CATSPER3: variants seen among roughly 807,000 people sequenced by gnomAD.
CATSPER3 encodes cation channel sperm-associated protein 3.
A neutral mutation model predicts 36.6 loss-of-function variants in CATSPER3; 23 were observed. That is an observed-to-expected ratio of 0.63 (90% CI 0.45 to 0.89). The LOEUF (loss-of-function observed/expected upper bound fraction) is 0.89, where lower values mean the gene tolerates loss of function less well. Ranked by LOEUF, CATSPER3 falls within the 40% of genes least tolerant of loss-of-function variation. CATSPER3 has a pLI of 0.00. For synonymous variants in CATSPER3, 172 were observed against 184.1 expected (o/e 0.93, Z 0.53); for missense variants, 474 against 503.9 (o/e 0.94, Z 0.57).
At chr5:135,005,917 G>C (rs1216464695) in intron 3 of CATSPER3, among the ~76,000 whole-genome samples, 1 of 152,182 alleles carries the variant, frequency 6.6e-6, no homozygotes, top group African/African-American at 2.4e-5. Flanking sequence ...CAAGCACTGG[G>C]CCTGGGCACC....
At chr5:135,008,234 CT>C (rs1752116624) in intron 4 of CATSPER3, 95 bp downstream of exon 4, 5 of 1,022,930 alleles carry the variant, frequency 4.9e-6, no homozygotes, top group Non-Finnish European at 7.6e-6. Context: ...TCACATGGGG[CT>C]TTCCTCATGT....
intron 1 of CATSPER3, chr5:134,969,647 G>C: frequency 2.3e-6 from 1 of 427,736 alleles, no homozygotes; most frequent in Non-Finnish European, 4.3e-6. Flanking sequence ...ATAAAGATTT[G>C]TTGAGTCAAT....
At chr5:134,968,114 C>G (rs1222911745) in intron 1 of CATSPER3, 25 bp downstream of exon 1, 1 of 1,502,436 alleles carries the variant, frequency 6.7e-7, no homozygotes, top group Admixed American at 1.7e-5. Flanking sequence ...TCTCCATTGC[C>G]TGTTAAGAAA....
intron 2 of CATSPER3, among the ~76,000 whole-genome samples, chr5:134,973,067 C>A (rs945738068): frequency 2.0e-5 from 3 of 152,070 alleles, no homozygotes; most frequent in African/African-American, 7.2e-5. Context: ...AGGACATAGA[C>A]AAATTCATCA....
intron 2 of CATSPER3, among the ~76,000 whole-genome samples, chr5:134,987,148 A>T (rs911727747): frequency 6.6e-6 from 1 of 152,216 alleles, no homozygotes; most frequent in African/African-American, 2.4e-5. Flanking sequence ...GACTCAAATT[A>T]CTAATGTCAG....
intron 2 of CATSPER3, among the ~76,000 whole-genome samples, chr5:134,989,904 G>T (rs1373809039): frequency 6.6e-6 from 1 of 152,118 alleles, no homozygotes; most frequent in African/African-American, 2.4e-5. Flanking sequence ...TGAGAGACTT[G>T]CAACCCTTCA....
chr5:134,970,900 TCTC>T (rs1268406643), intron 2 of CATSPER3, among the ~76,000 whole-genome samples: 1 of 151,980 alleles, frequency 6.6e-6, no homozygotes, highest in Non-Finnish European at 1.5e-5. Flanking sequence ...TCTCCTTGAA[TCTC>T]CTCTCAAAAA....
chr5:134,982,233 A>T (rs567156422), intron 2 of CATSPER3, among the ~76,000 whole-genome samples: 1 of 152,336 alleles, frequency 6.6e-6, no homozygotes, highest in South Asian at 2.1e-4. Flanking sequence ...ACTAATATAC[A>T]CATAATAGGG....
chr5:135,008,230 GGGGCTT>G, intron 4 of CATSPER3, 91 bp downstream of exon 4: 2 of 1,077,332 alleles, frequency 1.9e-6, no homozygotes, highest in Non-Finnish European at 1.4e-6. Context: ...GGCCTCACAT[GGGGCTT>G]TCCTCATGTC....
rs199772083 is a variant in CATSPER3 at position 135,008,880 on chromosome 5, C to T, written c.715C>T (p.Arg239Trp). The change falls in exon 5 of 8, where the codon CGG (arginine) becomes TGG (tryptophan). Residue 239 changes from arginine to tryptophan, a missense_variant. Coordinates refer to ENST00000282611, the MANE Select transcript of CATSPER3 (RefSeq NM_178019.3). Reference sequence around the variant, plus strand: ...AGACCTGCAGAAGCAGTTGGACAATCGGGAATTTGCTTTGAGCCGGGCATT... The same window carrying T: ...AGACCTGCAGAAGCAGTTGGACAATTGGGAATTTGCTTTGAGCCGGGCATT... ...WTDLQKQLDN[R>W]EFALSRAFTI... The T allele has an allele frequency of 4.0e-5, 65 of 1,613,986 alleles. No homozygotes were observed. The Admixed American group carries it at 5.0e-4, about 12-fold the overall frequency.
chr5:134,986,084 A>G (rs1194650044), intron 2 of CATSPER3, among the ~76,000 whole-genome samples: 1 of 152,136 alleles, frequency 6.6e-6, no homozygotes, highest in Non-Finnish European at 1.5e-5. Flanking sequence ...ACTGACAGCA[A>G]TGAAACGGAA....
chr5:135,004,827 CAG>C (rs1053846174), intron 3 of CATSPER3, among the ~76,000 whole-genome samples: 1 of 152,234 alleles, frequency 6.6e-6, no homozygotes, highest in East Asian at 1.9e-4. Flanking sequence ...CCTGTGAAAA[CAG>C]GGGATCCCAG....
Position 135,008,824 on chromosome 5 carries a change from C to A in CATSPER3, c.676-17C>A. ...ACTGGGTCTGGGCCCTCAGCATACT[C>A]TTCCCTGCCTGAGCAGGTTGATGGC... On this transcript the variant is annotated splice_polypyrimidine_tract_variant and intron_variant, in intron 4 of 7. Coordinates refer to ENST00000282611, the MANE Select transcript of CATSPER3 (RefSeq NM_178019.3). 1 of 1,613,710 alleles carries A rather than the reference C, an allele frequency of 6.2e-7. No homozygotes were observed. The highest frequency in any genetic ancestry group is 8.5e-7 in the Non-Finnish European group (1 of 1,179,662).
chr5:135,009,024 G>A lies in CATSPER3; in HGVS notation c.816+43G>A, dbSNP rs375633408. 57 of 1,613,542 alleles carry A rather than the reference G, an allele frequency of 3.5e-5. No homozygotes were observed. In the African/African-American group the frequency reaches 6.8e-4, roughly 19 times the overall value. ...AGGATCGGAGGTCAGGGCAGGTGTG[G>A]CAGATGGAGCTGTAGGGCAAGTCTC... is the stretch of plus-strand genomic sequence containing the variant. On this transcript the variant is annotated intron_variant, in intron 5 of 7. Coordinates refer to ENST00000282611, the MANE Select transcript of CATSPER3 (RefSeq NM_178019.3).
At chr5:134,976,754 T>A (rs1310662298) in intron 2 of CATSPER3, among the ~76,000 whole-genome samples, 1 of 152,242 alleles carries the variant, frequency 6.6e-6, no homozygotes, top group African/African-American at 2.4e-5. Context: ...TTCTTGTACA[T>A]CTTCTGAAAT....
At chr5:134,994,811 G>A (rs949858465) in intron 2 of CATSPER3, among the ~76,000 whole-genome samples, 1 of 151,498 alleles carries the variant, frequency 6.6e-6, no homozygotes, top group African/African-American at 2.4e-5. Flanking sequence ...TTTCTCCCTG[G>A]GGCTCTTGGA....
chr5:134,975,441 A>G (rs1477459948), intron 2 of CATSPER3: 1 of 147,102 alleles, frequency 6.8e-6, no homozygotes, highest in Non-Finnish European at 1.5e-5. Flanking sequence ...CTGTGGGGAA[A>G]AACAAACAAA....
rs141586517 is a variant in CATSPER3 at position 135,008,883 on chromosome 5, G to A, written c.718G>A (p.Glu240Lys). 3.0e-4 allele frequency: 489 copies of A among 1,614,140 alleles called. No individual in the cohort carries two copies. The African/African-American group carries it at 5.8e-3, about 19-fold the overall frequency. The change falls in exon 5 of 8, where the codon GAA becomes AAA. Residue 240 changes from glutamate (E) to lysine (K), a missense_variant. By Grantham distance (56) the Glu-to-Lys change is moderately conservative (BLOSUM62 1). Coordinates refer to ENST00000282611, the MANE Select transcript of CATSPER3 (RefSeq NM_178019.3). ...CCTGCAGAAGCAGTTGGACAATCGGGAATTTGCTTTGAGCCGGGCATTCAC... is the reference window on the plus strand; with the variant it reads ...CCTGCAGAAGCAGTTGGACAATCGGAAATTTGCTTTGAGCCGGGCATTCAC... ...TDLQKQLDNR[E>K]FALSRAFTII... is the part of the protein sequence containing the mutation.
At chr5:134,984,431 C>A (rs1751784968) in intron 2 of CATSPER3, among the ~76,000 whole-genome samples, 2 of 151,926 alleles carry the variant, frequency 1.3e-5, no homozygotes, top group Admixed American at 6.6e-5. Flanking sequence ...GAAAGAAAAA[C>A]AAATCCCATT....
Sources: gnomAD v4.1 joint callset for allele counts (sites outside exome capture counted in the v4.1 genomes callset) on GRCh38, gnomAD v4.1.1 for gene constraint, MANE v1.5 for transcripts, NCBI Gene and HGNC (gene_info 2026-07-23, HGNC 2026-07-21) for gene names.